The following UBXN2B variants were observed in gnomAD, a reference collection of about 807,000 sequenced individuals.
UBXN2B encodes UBX domain-containing protein 2B.
Under a neutral mutation model 37.5 loss-of-function variants are expected in UBXN2B, and 19 were observed. The observed-to-expected ratio is 0.51, with a 90% CI of 0.35 to 0.74. The LOEUF (loss-of-function observed/expected upper bound fraction) is 0.74. UBXN2B is among the 30% of genes least tolerant of loss of function. UBXN2B has a pLI of 0.01. For missense variants in UBXN2B, 370 were observed against 393.2 expected (o/e 0.94, Z 0.50); for synonymous variants, 145 against 143.8 (o/e 1.01, Z -0.06).
chr8:58,445,823 AGCCATGTT>A, intron 6 of UBXN2B, 76 bp from the exon 7 acceptor site: 1 of 1,214,500 alleles, frequency 8.2e-7, no homozygotes, highest in South Asian at 1.9e-5. Context: ...ACTCAAATGA[AGCCATGTT>A]CTAAGTGTTT....
intron 2 of UBXN2B, among the ~76,000 whole-genome samples, chr8:58,420,106 A>T (rs866503000): frequency 6.6e-6 from 1 of 152,226 alleles, no homozygotes; most frequent in African/African-American, 2.4e-5. Context: ...CAAAACTATA[A>T]TACAATGTTA....
rs1223608711 is a variant in UBXN2B, at chr8:58,430,437, A to G, written c.189-82A>G. ...GCCTCTTTTTAAATAAAATACTTTT[A>G]TTTTCATAAGACTATGTAGCTTTTT... On this transcript the variant is annotated intron_variant, in intron 2 of 7. Coordinates refer to ENST00000399598, the MANE Select transcript of UBXN2B (RefSeq NM_001077619.2). 6.9e-6 allele frequency: 7 copies of G among 1,014,210 alleles called. No individual in the cohort carries two copies. The African/African-American group carries it at 1.2e-4, about 17-fold the overall frequency. The allele number at this position is 1,014,210 out of a possible 1,614,324, so 62.8% of individuals were successfully genotyped here.
chr8:58,412,428 G>C (rs534448314), intron 1 of UBXN2B, among the ~76,000 whole-genome samples: 21 of 152,316 alleles, frequency 1.4e-4, no homozygotes, highest in African/African-American at 5.1e-4. Context: ...GGAGAAATAG[G>C]GTATGAATAC....
chr8:58,434,868 A>G (rs2129604339), intron 5 of UBXN2B: 1 of 1,535,610 alleles, frequency 6.5e-7, no homozygotes, highest in Middle Eastern at 1.7e-4. Context: ...GGTGACTCTC[A>G]TTGCATGTAT....
chr8:58,415,220 G>A (rs1042435732), intron 1 of UBXN2B, among the ~76,000 whole-genome samples: 1 of 152,058 alleles, frequency 6.6e-6, no homozygotes, highest in Non-Finnish European at 1.5e-5. Context: ...ATTAGAAAAG[G>A]TTTTGTGAAG....
chr8:58,425,241 T>C lies in UBXN2B; in HGVS notation c.189-5278T>C, dbSNP rs548943781. 1.1e-5 allele frequency: 12 copies of C among 1,097,070 alleles called. No individual in the cohort carries two copies. In the South Asian group the frequency reaches 1.5e-4, roughly 14 times the overall value. 68.0% of individuals were successfully genotyped at this position (1,097,070 alleles called of 1,614,324 possible). Reference sequence around the variant, plus strand: ...TAACACGCATGATGCCATATTCTTTTAGAGCATACTCATCAGGCCAGTATT... The same window carrying C: ...TAACACGCATGATGCCATATTCTTTCAGAGCATACTCATCAGGCCAGTATT... On this transcript the variant is annotated intron_variant, in intron 2 of 7. Transcript: ENST00000399598.
intron 2 of UBXN2B, chr8:58,426,621 A>T: frequency 1.3e-6 from 1 of 746,242 alleles, no homozygotes; most frequent in South Asian, 1.3e-5. Flanking sequence ...AGCTCCTCTT[A>T]TCAACAGTGG....
chr8:58,447,359 T>G (rs1160750518), intron 7 of UBXN2B, 30 bp from the exon 8 acceptor site: 1 of 1,509,300 alleles, frequency 6.6e-7, no homozygotes, highest in Non-Finnish European at 8.9e-7. Flanking sequence ...ATTTTTTATA[T>G]TACAAATTAT....
intron 6 of UBXN2B, among the ~76,000 whole-genome samples, chr8:58,442,503 C>G (rs966942922): frequency 3.9e-5 from 6 of 152,088 alleles, no homozygotes; most frequent in African/African-American, 1.2e-4. Flanking sequence ...TATTGTCTTC[C>G]ATAGATGGCA....
At chr8:58,412,676 AG>A (rs1260318567) in intron 1 of UBXN2B, among the ~76,000 whole-genome samples, 1 of 152,210 alleles carries the variant, frequency 6.6e-6, no homozygotes, top group Non-Finnish European at 1.5e-5. Flanking sequence ...TGGAGTTAGT[AG>A]TCCCACCAAT....
intron 6 of UBXN2B, among the ~76,000 whole-genome samples, chr8:58,440,529 A>G (rs571309771): frequency 6.6e-6 from 1 of 152,346 alleles, no homozygotes; most frequent in East Asian, 1.9e-4. Context: ...GGCAGAATGT[A>G]TGAGTGGTTT....
chr8:58,445,132 G>C (rs1034117043), intron 6 of UBXN2B, among the ~76,000 whole-genome samples: 5 of 152,148 alleles, frequency 3.3e-5, no homozygotes, highest in Non-Finnish European at 7.3e-5. Flanking sequence ...TTAACCAAAA[G>C]AGCACTCCTC....
chr8:58,412,551 T>C (rs1471904917), intron 1 of UBXN2B, among the ~76,000 whole-genome samples: 1 of 152,222 alleles, frequency 6.6e-6, no homozygotes, highest in Non-Finnish European at 1.5e-5. Flanking sequence ...GAACTTAATG[T>C]AGAATAGTTC....
chr8:58,450,749 A>G lies in UBXN2B; in HGVS notation c.*3198A>G, dbSNP rs1056130357. Reference sequence around the variant, plus strand: ...GCCTGCTTCTCTGCCAGATGACTTGAATATGGTACTAGATTTGGAATTCAC... The same window carrying G: ...GCCTGCTTCTCTGCCAGATGACTTGGATATGGTACTAGATTTGGAATTCAC... On this transcript the variant is annotated 3_prime_UTR_variant, in exon 8 of 8. Transcript: ENST00000399598. The G allele has an allele frequency of 1.3e-5, 2 of 152,208 alleles. No individual in the cohort carries two copies. The highest frequency in any genetic ancestry group is 1.5e-5 in the Non-Finnish European group (1 of 68,068). The allele number at this position is 152,208 out of a possible 1,614,324, so 9.4% of individuals were successfully genotyped here. A position where few individuals can be genotyped will look rare whatever the true frequency, so the allele number is the denominator to read the frequency against.
chr8:58,418,122 T>A (rs1226432421), intron 2 of UBXN2B, among the ~76,000 whole-genome samples: 2 of 151,802 alleles, frequency 1.3e-5, no homozygotes, highest in Admixed American at 1.3e-4. Context: ...GAGCCTATAA[T>A]TCCAGCTACT....
intron 4 of UBXN2B, among the ~76,000 whole-genome samples, chr8:58,433,733 C>T (rs912891405): frequency 4.0e-5 from 6 of 150,964 alleles, no homozygotes; most frequent in African/African-American, 1.5e-4. Context: ...CCCAGGAGTT[C>T]GAGACCACCC....
intron 2 of UBXN2B, 58 bp downstream of exon 2, chr8:58,417,011 T>C: frequency 7.3e-7 from 1 of 1,379,088 alleles, no homozygotes; most frequent in Non-Finnish European, 9.8e-7. Context: ...AAAAATTTAC[T>C]AACTTCAAAT....
At position 58,449,311 on chromosome 8, in the gene UBXN2B, C is replaced by G. The variant is rs1269330167; in HGVS notation, c.*1760C>G. Reference sequence around the variant, plus strand: ...TGCCTACTACAGTTCCCACCCACCCCCCGCTCCACTCCTGTGTTAAAGATT... The same window carrying G: ...TGCCTACTACAGTTCCCACCCACCCGCCGCTCCACTCCTGTGTTAAAGATT... On this transcript the variant is annotated 3_prime_UTR_variant, in exon 8 of 8. Coordinates refer to ENST00000399598, the MANE Select transcript of UBXN2B (RefSeq NM_001077619.2). 6.6e-6 allele frequency: 1 copy of G among 151,380 alleles called. No individual in the cohort carries two copies. Among genetic ancestry groups the G allele is most frequent in the Non-Finnish European group, 1.5e-5 (1 of 67,828 alleles). The allele number at this position is 151,380 out of a possible 1,614,324, so 9.4% of individuals were successfully genotyped here.
At chr8:58,424,032 A>G (rs191556008) in intron 2 of UBXN2B, among the ~76,000 whole-genome samples, 1 of 152,194 alleles carries the variant, frequency 6.6e-6, no homozygotes, top group Admixed American at 6.5e-5. Context: ...TCAGCTTCTG[A>G]CAGTCTCAGG....
Sources: gnomAD v4.1 joint callset for allele counts (sites outside exome capture counted in the v4.1 genomes callset) on GRCh38, gnomAD v4.1.1 for gene constraint, MANE v1.5 for transcripts, NCBI Gene and HGNC (gene_info 2026-07-23, HGNC 2026-07-21) for gene names.